CTNND2: variants seen among roughly 807,000 people sequenced by gnomAD.
CTNND2 encodes catenin delta 2.
In CTNND2, 22 loss-of-function variants were observed where a neutral mutation model predicts 144.4. The observed-to-expected ratio is 0.15, with a 90% CI of 0.11 to 0.22. The LOEUF (loss-of-function observed/expected upper bound fraction) is 0.22, where lower values mean the gene tolerates loss of function less well. Ranked by LOEUF, CTNND2 falls within the 10% of genes least tolerant of loss-of-function variation. The probability of loss-of-function intolerance (pLI) is 1.00; values close to 1 mark genes in which losing one functional copy is unlikely to be tolerated. For synonymous variants in CTNND2, 751 were observed against 695.6 expected (o/e 1.08, Z -1.25); for missense variants, 1,353 against 1,618.8 (o/e 0.84, Z 2.82).
intron 3 of CTNND2, among the ~76,000 whole-genome samples, chr5:11,562,920 C>G (rs1213961060): frequency 6.6e-6 from 1 of 152,216 alleles, no homozygotes; most frequent in African/African-American, 2.4e-5. Context: ...CTATACGGCT[C>G]TCACTGACTT....
chr5:11,628,944 A>G (rs1157465954), intron 2 of CTNND2, among the ~76,000 whole-genome samples: 1 of 152,198 alleles, frequency 6.6e-6, no homozygotes, highest in Admixed American at 6.5e-5. Context: ...GCAATTAGAA[A>G]TGTCTAAAAA....
chr5:11,819,625 G>A (rs1257446990), intron 1 of CTNND2, among the ~76,000 whole-genome samples: 1 of 152,126 alleles, frequency 6.6e-6, no homozygotes, highest in Non-Finnish European at 1.5e-5. Context: ...CTCCTTTTGG[G>A]TCTTCCTAAA....
intron 11 of CTNND2, among the ~76,000 whole-genome samples, chr5:11,173,000 T>A (rs1012556955): frequency 2.0e-5 from 3 of 152,228 alleles, no homozygotes; most frequent in African/African-American, 4.8e-5. Flanking sequence ...TTTTTTAGTG[T>A]CTGGATGGCG....
At chr5:11,340,301 C>T (rs144346437) in intron 9 of CTNND2, among the ~76,000 whole-genome samples, 3,070 of 152,278 alleles carry the variant, frequency 0.02, 222 homozygotes, top group East Asian at 0.16. Context: ...TCTCACACAA[C>T]TTTGAAAGCT....
intron 2 of CTNND2, among the ~76,000 whole-genome samples, chr5:11,696,553 C>A (rs188455319): frequency 1.3e-5 from 2 of 152,224 alleles, no homozygotes; most frequent in African/African-American, 4.8e-5. Context: ...ATCTGATCAA[C>A]AGCAGATATT....
chr5:11,752,414 T>C (rs1034151637), intron 1 of CTNND2, among the ~76,000 whole-genome samples: 9 of 151,964 alleles, frequency 5.9e-5, no homozygotes, highest in South Asian at 2.1e-4. Flanking sequence ...CAATTTATCC[T>C]AGCAGCATTT....
chr5:11,423,851 A>T (rs1259363868), intron 3 of CTNND2, among the ~76,000 whole-genome samples: 1 of 152,244 alleles, frequency 6.6e-6, no homozygotes, highest in African/African-American at 2.4e-5. Context: ...GAAAATACAA[A>T]TGAATAACCA....
intron 3 of CTNND2, among the ~76,000 whole-genome samples, chr5:11,421,767 G>C (rs1428292099): frequency 6.6e-6 from 1 of 152,138 alleles, no homozygotes; most frequent in Non-Finnish European, 1.5e-5. Flanking sequence ...GAGAGGGGCA[G>C]CACCAGCTGT....
At chr5:11,360,992 G>C (rs1581012430) in intron 8 of CTNND2, among the ~76,000 whole-genome samples, 1 of 152,022 alleles carries the variant, frequency 6.6e-6, no homozygotes, top group Non-Finnish European at 1.5e-5. Context: ...CAGGATCTAG[G>C]GTAAGACTGC....
intron 2 of CTNND2, among the ~76,000 whole-genome samples, chr5:11,641,550 T>TACAC (rs1782003240): frequency 6.6e-6 from 1 of 151,332 alleles, no homozygotes; most frequent in African/African-American, 2.4e-5. Context: ...TGCATACATA[T>TACAC]GGGATATGTA....
At chr5:11,092,770 C>G (rs1361442698) in intron 15 of CTNND2, among the ~76,000 whole-genome samples, 1 of 152,196 alleles carries the variant, frequency 6.6e-6, no homozygotes, top group Non-Finnish European at 1.5e-5. Flanking sequence ...ACATTTAAAT[C>G]TAAAGCTTGG....
intron 2 of CTNND2, among the ~76,000 whole-genome samples, chr5:11,721,923 T>C (rs1327615343): frequency 6.6e-6 from 1 of 152,190 alleles, no homozygotes; most frequent in African/African-American, 2.4e-5. Flanking sequence ...GAGGATCAGA[T>C]TCTCATCACA....
At chr5:11,145,864 G>A (rs533814393) in intron 12 of CTNND2, among the ~76,000 whole-genome samples, 76 of 152,076 alleles carry the variant, frequency 5.0e-4, no homozygotes, top group Admixed American at 9.8e-4. Flanking sequence ...TACCAACCGC[G>A]CCCTGGCTGG....
At chr5:11,284,893 G>A (rs980749676) in intron 9 of CTNND2, among the ~76,000 whole-genome samples, 1 of 152,216 alleles carries the variant, frequency 6.6e-6, no homozygotes, top group Non-Finnish European at 1.5e-5. Context: ...AATGGAGGCT[G>A]AGTGATAGCA....
chr5:11,802,128 C>A lies in CTNND2; in HGVS notation c.38-69856G>T, dbSNP rs1008245289. On this transcript the variant is annotated intron_variant, in intron 1 of 21. Transcript: ENST00000304623. The stretch of plus-strand genomic sequence containing the variant: ...TCTCTACTAAAAACACAAAAATTAG[C>A]CATGTGTGGTGGCCATGCCTGTAAT... 3.3e-5 allele frequency among the ~76,000 whole-genome samples: 5 copies of A among 152,110 alleles called. No homozygotes were observed. The East Asian group carries it at 9.7e-4, about 29-fold the overall frequency.
intron 16 of CTNND2, among the ~76,000 whole-genome samples, chr5:11,037,061 A>G (rs891223861): frequency 6.6e-6 from 1 of 152,184 alleles, no homozygotes; most frequent in Non-Finnish European, 1.5e-5. Flanking sequence ...ATGGTCAACA[A>G]TTTTTTAAAA....
chr5:11,073,095 C>T (rs1276548999), intron 16 of CTNND2, among the ~76,000 whole-genome samples: 2 of 152,228 alleles, frequency 1.3e-5, no homozygotes, highest in South Asian at 2.1e-4. Flanking sequence ...AAGAATTCAT[C>T]TTTAAACGTT....
chr5:11,119,831 GA>G (rs1407918919), intron 12 of CTNND2, among the ~76,000 whole-genome samples: 1 of 152,052 alleles, frequency 6.6e-6, no homozygotes, highest in Non-Finnish European at 1.5e-5. Context: ...ACCCTGATCT[GA>G]AAAAAACCCT....
At position 11,355,734 on chromosome 5, in the gene CTNND2, G is replaced by A. The variant is rs57605047; in HGVS notation, c.1372+8962C>T. 2.3e-3 allele frequency among the ~76,000 whole-genome samples: 353 copies of A among 152,212 alleles called. 2 individuals are homozygous for A. Among genetic ancestry groups the A allele is most frequent in the African/African-American group, 7.8e-3 (323 of 41,556 alleles). The stretch of plus-strand genomic sequence containing the variant: ...AGGCATTGAAATTGGAAAGGAGAAA[G>A]TCAAATTGTCTCTGTTTGCAGATGG... On this transcript the variant is annotated intron_variant, in intron 8 of 21. Coordinates refer to ENST00000304623, the MANE Select transcript of CTNND2 (RefSeq NM_001332.4).
Sources: allele counts gnomAD v4.1 joint callset (sites outside exome capture counted in the v4.1 genomes callset), GRCh38; gene constraint gnomAD v4.1.1; transcripts MANE v1.5; gene names NCBI Gene and HGNC (gene_info 2026-07-23, HGNC 2026-07-21).